The following DLGAP5 variants were observed in gnomAD, a reference collection of about 807,000 sequenced individuals.
The protein encoded by DLGAP5 is disks large-associated protein 5.
In DLGAP5, 90 loss-of-function variants were observed where a neutral mutation model predicts 99.6. The ratio of observed to expected loss-of-function variants is 0.90; its 90% CI spans 0.76 to 1.08. The LOEUF (loss-of-function observed/expected upper bound fraction) is 1.08, where lower values mean the gene tolerates loss of function less well. Among genes scored for constraint, DLGAP5 ranks in the 50% least tolerant of loss-of-function variants. The pLI is 0.00. For missense variants in DLGAP5, 1,036 were observed against 983.5 expected (o/e 1.05, Z -0.71); for synonymous variants, 311 against 321.3 (o/e 0.97, Z 0.34).
chr14:55,186,495 T>TA (rs957372397), intron 2 of DLGAP5, among the ~76,000 whole-genome samples: 1 of 152,234 alleles, frequency 6.6e-6, no homozygotes, highest in African/African-American at 2.4e-5. Flanking sequence ...TCTCTTCATC[T>TA]AAAACAGATC....
chr14:55,153,598 G>C (rs1489309923), intron 15 of DLGAP5, among the ~76,000 whole-genome samples: 1 of 151,720 alleles, frequency 6.6e-6, no homozygotes, highest in African/African-American at 2.4e-5. Context: ...AAAAAGATAT[G>C]CTCTATTTTT....
chr14:55,183,723 C>A lies in DLGAP5; in HGVS notation c.269G>T (p.Arg90Leu). The change falls in exon 3 of 19, where the codon CGA (arginine) becomes CTA (leucine). Residue 90 changes from arginine (R) to leucine (L), a missense_variant. Coordinates refer to ENST00000247191, the MANE Select transcript of DLGAP5 (RefSeq NM_014750.5). ...RAMKTILGDQRKQMLQKYKEE... is the reference protein window; with the variant it reads ...RAMKTILGDQLKQMLQKYKEE... Reference sequence around the variant, plus strand: ...TTTGTATTTTTGGAGCATCTGTTTTCGTTGATCACCTAGAATAGTTTTCAT... The same window carrying A: ...TTTGTATTTTTGGAGCATCTGTTTTAGTTGATCACCTAGAATAGTTTTCAT... 1 of 1,603,740 alleles carries A rather than the reference C, an allele frequency of 6.2e-7. No homozygotes were observed. The highest frequency in any genetic ancestry group is 8.5e-7 in the Non-Finnish European group (1 of 1,175,516).
intron 12 of DLGAP5, among the ~76,000 whole-genome samples, chr14:55,166,628 C>G (rs1882651629): frequency 1.3e-5 from 2 of 151,858 alleles, no homozygotes; most frequent in South Asian, 4.1e-4. Context: ...ACTTGGGAGA[C>G]TGAGGCAGGA....
At chr14:55,184,201 T>C (rs1883361649) in intron 2 of DLGAP5, among the ~76,000 whole-genome samples, 1 of 151,950 alleles carries the variant, frequency 6.6e-6, no homozygotes, top group African/African-American at 2.4e-5. Flanking sequence ...AACACACCTG[T>C]AGTCCCATCT....
Position 55,182,359 on chromosome 14 carries a change from A to G in DLGAP5, c.495+11T>C. The G allele has an allele frequency of 6.2e-7, 1 of 1,603,864 alleles. No homozygotes were observed. The highest frequency in any genetic ancestry group is 8.5e-7 in the Non-Finnish European group (1 of 1,175,858). On this transcript the variant is annotated intron_variant, in intron 4 of 18. Coordinates refer to ENST00000247191, the MANE Select transcript of DLGAP5 (RefSeq NM_014750.5). ...ATCATTTTAGTAACAATTATCTACT[A>G]TCAACTATACCTTAGTCTGCTCCAT... is the stretch of plus-strand genomic sequence containing the variant.
Position 55,158,663 on chromosome 14 carries a change from C to T in DLGAP5, c.1732G>A (p.Ala578Thr). ...CTCTCTCTCATTGCATTTTTTATGG[C>T]AGCTAGGCGATTTCTCGCTGCAATT... Reference protein sequence around the residue: ...GRIAARNRLAAIKNAMRERIR... With the variant: ...GRIAARNRLATIKNAMRERIR... The change falls in exon 14 of 19, where the codon GCC becomes ACC. Residue 578 changes from alanine to threonine, a missense_variant. By Grantham distance (58) the Ala-to-Thr change is moderately conservative (BLOSUM62 0). Transcript: ENST00000247191. 6.2e-7 allele frequency: 1 copy of T among 1,614,060 alleles called. No individual in the cohort carries two copies. The highest frequency in any genetic ancestry group is 8.5e-7 in the Non-Finnish European group (1 of 1,179,994).
chr14:55,172,734 A>G (rs573085940), intron 10 of DLGAP5, among the ~76,000 whole-genome samples: 1 of 152,288 alleles, frequency 6.6e-6, no homozygotes, highest in East Asian at 1.9e-4. Context: ...CTGTAATACC[A>G]GCACTTTGGG....
intron 12 of DLGAP5, among the ~76,000 whole-genome samples, chr14:55,168,605 C>T (rs10134983): frequency 0.28 from 43,255 of 152,090 alleles, 11,783 homozygotes; most frequent in African/African-American, 0.72. Flanking sequence ...TTCCTAGTAA[C>T]TTCTTCTATC....
At chr14:55,189,881 C>A (rs939909942) in intron 1 of DLGAP5, among the ~76,000 whole-genome samples, 2 of 152,138 alleles carry the variant, frequency 1.3e-5, no homozygotes, top group African/African-American at 4.8e-5. Context: ...CAGCTCCTCT[C>A]CCCTCCCCAG....
chr14:55,162,154 C>T (rs1329226227), intron 13 of DLGAP5, among the ~76,000 whole-genome samples: 1 of 151,920 alleles, frequency 6.6e-6, no homozygotes, highest in Non-Finnish European at 1.5e-5. Flanking sequence ...GAAACAAGAA[C>T]AAAATCTGTC....
At chr14:55,149,883 C>G (rs1260510104) in intron 18 of DLGAP5, among the ~76,000 whole-genome samples, 1 of 151,726 alleles carries the variant, frequency 6.6e-6, no homozygotes, top group Non-Finnish European at 1.5e-5. Flanking sequence ...AACCCCGCAT[C>G]TCTACTAAAA....
In DLGAP5 at chr14:55,183,599, A is replaced by G; in HGVS notation, c.393T>C (p.Leu131=). 1 of 1,587,836 alleles carries G rather than the reference A, an allele frequency of 6.3e-7. No homozygotes were observed. Among genetic ancestry groups the G allele is most frequent in the Non-Finnish European group, 8.5e-7 (1 of 1,172,046 alleles). Residue 131 remains leucine (L), a synonymous_variant, in exon 3 of 19, where the codon CTT becomes CTC. Transcript: ENST00000247191. ...CTTTCACAGCATTCTGGTTTGATAA[A>G]AGAAAACAAGGCATATCAGGTCTAT... The part of the protein sequence containing the change: ...GRYRPDMPCF[L]LSNQNAVKAE...
At chr14:55,185,849 A>G (rs1024135680) in intron 2 of DLGAP5, among the ~76,000 whole-genome samples, 5 of 152,232 alleles carry the variant, frequency 3.3e-5, no homozygotes, top group African/African-American at 9.7e-5. Context: ...TATACACACA[A>G]TTATAATGAA....
Position 55,168,603 on chromosome 14 carries a change from A to G in DLGAP5, c.1548+796T>C, listed in dbSNP as rs190282049. On this transcript the variant is annotated intron_variant, in intron 12 of 18. Coordinates refer to ENST00000247191, the MANE Select transcript of DLGAP5 (RefSeq NM_014750.5). ...CCATACCTTTACTGATCTTCCTAGT[A>G]ACTTCTTCTATCACAGCAATTTATA... is the stretch of plus-strand genomic sequence containing the variant. Among the ~76,000 whole-genome samples the G allele has an allele frequency of 1.2e-3, 188 of 152,320 alleles. 1 individual carries two copies. Among genetic ancestry groups the G allele is most frequent in the Admixed American group, 9.7e-3 (148 of 15,298 alleles).
intron 10 of DLGAP5, among the ~76,000 whole-genome samples, chr14:55,174,425 T>C (rs185801221): frequency 1.0e-3 from 159 of 152,306 alleles, no homozygotes; most frequent in Non-Finnish European, 6.2e-4. Flanking sequence ...TGATATTCTA[T>C]TACCTTGTAA....
intron 18 of DLGAP5, among the ~76,000 whole-genome samples, chr14:55,149,967 C>T (rs1005694146): frequency 1.7e-4 from 25 of 151,478 alleles, no homozygotes; most frequent in African/African-American, 5.3e-4. Context: ...GCAGGAGAAT[C>T]GCTTGAACCC....
chr14:55,187,081 T>A (rs1394383524), intron 2 of DLGAP5, among the ~76,000 whole-genome samples: 1 of 151,984 alleles, frequency 6.6e-6, no homozygotes, highest in Non-Finnish European at 1.5e-5. Flanking sequence ...GATTTTTGTA[T>A]TTTTAGTAGA....
chr14:55,182,211 T>C (rs941571172), intron 4 of DLGAP5, among the ~76,000 whole-genome samples, 159 bp downstream of exon 4: 2 of 152,184 alleles, frequency 1.3e-5, no homozygotes, highest in Admixed American at 1.3e-4. Context: ...TTAAGTGAAA[T>C]TGCTCTACAT....
intron 12 of DLGAP5, among the ~76,000 whole-genome samples, chr14:55,168,899 G>A (rs541024078): frequency 6.6e-6 from 1 of 152,130 alleles, no homozygotes; most frequent in African/African-American, 2.4e-5. Context: ...TATCCTGGCC[G>A]GGCGCGGTGG....
Sources: allele counts gnomAD v4.1 joint callset (sites outside exome capture counted in the v4.1 genomes callset), GRCh38; gene constraint gnomAD v4.1.1; transcripts MANE v1.5; gene names NCBI Gene and HGNC (gene_info 2026-07-23, HGNC 2026-07-21).